Variants in MYSM1 observed in about 807,000 individuals in gnomAD.
MYSM1 encodes Myb like, SWIRM and MPN domains 1.
A neutral mutation model predicts 116.0 loss-of-function variants in MYSM1; 51 were observed. The observed-to-expected ratio is 0.44, with a 90% CI of 0.35 to 0.56. The LOEUF (loss-of-function observed/expected upper bound fraction) is 0.56, where lower values mean the gene tolerates loss of function less well. Ranked by LOEUF, MYSM1 falls within the 20% of genes least tolerant of loss-of-function variation. MYSM1 has a pLI of 0.00. For missense variants in MYSM1, 900 were observed against 974.9 expected (o/e 0.92, Z 1.02); for synonymous variants, 313 against 315.2 (o/e 0.99, Z 0.07).
chr1:58,666,999 T>C (rs375647769), intron 16 of MYSM1, 39 bp downstream of exon 16: 26 of 1,231,392 alleles, frequency 2.1e-5, no homozygotes, highest in Non-Finnish European at 2.9e-5. Flanking sequence ...ATTGAGGGGG[T>C]GTGCAACCAT....
At chr1:58,695,060 A>G (rs1313431242) in intron 2 of MYSM1, 69 bp downstream of exon 2, 34 of 875,262 alleles carry the variant, frequency 3.9e-5, no homozygotes, top group Admixed American at 1.9e-4. Flanking sequence ...TTTAAAAAAA[A>G]AAAAAGAAGA....
chr1:58,673,310 T>C (rs1327086362), intron 11 of MYSM1, among the ~76,000 whole-genome samples: 4 of 152,202 alleles, frequency 2.6e-5, no homozygotes, highest in African/African-American at 9.7e-5. Context: ...GCATACCAAC[T>C]TCTTGACACC....
intron 17 of MYSM1, among the ~76,000 whole-genome samples, chr1:58,664,735 C>T (rs232787): frequency 0.27 from 40,586 of 151,954 alleles, 6,204 homozygotes; most frequent in African/African-American, 0.41. Context: ...AAAATGGGTA[C>T]AATACAGTAT....
At chr1:58,665,761 C>A (rs1644459100) in intron 16 of MYSM1, 130 bp from the exon 17 acceptor site, 1 of 665,946 alleles carries the variant, frequency 1.5e-6, no homozygotes, top group Non-Finnish European at 2.5e-6. Context: ...AAGTTCACAT[C>A]TGGCCCGGCA....
At chr1:58,661,766 G>A (rs1398636619) in intron 17 of MYSM1, among the ~76,000 whole-genome samples, 1 of 152,000 alleles carries the variant, frequency 6.6e-6, no homozygotes, top group Non-Finnish European at 1.5e-5. Context: ...TCTACGCATG[G>A]CACTATGATG....
At position 58,681,901 on chromosome 1, in the gene MYSM1, T is replaced by C. The variant is rs1227341831; in HGVS notation, c.1143A>G (p.Ile381Met). Residue 381 changes from isoleucine to methionine, a missense_variant, in exon 8 of 20, where the codon ATA (isoleucine) becomes ATG (methionine). Physicochemically the swap from Ile to Met is conservative, Grantham distance 10. Transcript: ENST00000472487. ...ELKPPEQEIE[I>M]DRNIIQEEEK... ...CTTCTTCTTGAATGATATTTCTATC[T>C]ATTTCTATTTCCTGTTCTGGTGGCT... The C allele has an allele frequency of 1.2e-6, 2 of 1,614,074 alleles. No homozygotes were observed. Among genetic ancestry groups the C allele is most frequent in the Admixed American group, 3.3e-5 (2 of 60,018 alleles).
In MYSM1 at chr1:58,662,791, A is replaced by C. The variant is rs188260207; in HGVS notation, c.2165-1280T>G. The stretch of plus-strand genomic sequence containing the variant: ...GGGGACAGCAAGCCTGATGATGATG[A>C]CTGATCTTTTTTATTTAATTGCTCA... On this transcript the variant is annotated intron_variant, in intron 17 of 19. Transcript: ENST00000472487. 2.5e-4 allele frequency among the ~76,000 whole-genome samples: 38 copies of C among 152,244 alleles called. No individual in the cohort carries two copies. The East Asian group carries it at 7.1e-3, about 29-fold the overall frequency.
rs185764758 is a variant in MYSM1, at chr1:58,664,628, A to G, written c.2164+871T>C. Among the ~76,000 whole-genome samples, 17 of 152,380 alleles carry G rather than the reference A, an allele frequency of 1.1e-4. No individual in the cohort carries two copies. The East Asian group carries it at 3.1e-3, about 28-fold the overall frequency. ...AATCTACATCAAATATAGGGCATCCAAGAGAGATCATTAAGAATGAAGAGA... is the reference window on the plus strand; with the variant it reads ...AATCTACATCAAATATAGGGCATCCGAGAGAGATCATTAAGAATGAAGAGA... On this transcript the variant is annotated intron_variant, in intron 17 of 19. Coordinates refer to ENST00000472487, the MANE Select transcript of MYSM1 (RefSeq NM_001085487.3).
intron 2 of MYSM1, among the ~76,000 whole-genome samples, chr1:58,694,809 T>C (rs907155714): frequency 6.6e-6 from 1 of 152,086 alleles, no homozygotes; most frequent in African/African-American, 2.4e-5. Context: ...ACTGGGATTA[T>C]AGGCAGGAGC....
At chr1:58,674,753 G>A (rs977478395) in intron 10 of MYSM1, among the ~76,000 whole-genome samples, 2 of 151,762 alleles carry the variant, frequency 1.3e-5, no homozygotes, top group African/African-American at 4.8e-5. Context: ...GTGAAACCCT[G>A]TCTCTACTAA....
chr1:58,659,979 G>A lies in MYSM1; in HGVS notation c.*18C>T, dbSNP rs758065676. ...AGATCTACTGTGTCAAGATTAAAATGTCTTAACTTTAAAATAATCACATTA... is the reference window on the plus strand; with the variant it reads ...AGATCTACTGTGTCAAGATTAAAATATCTTAACTTTAAAATAATCACATTA... On this transcript the variant is annotated 3_prime_UTR_variant, in exon 20 of 20. Transcript: ENST00000472487. The A allele has an allele frequency of 1.4e-6, 2 of 1,432,238 alleles. No homozygotes were observed. The highest frequency in any genetic ancestry group is 2.2e-5 in the Admixed American group (1 of 44,848). The allele number at this position is 1,432,238 out of a possible 1,614,324, so 88.7% of individuals were successfully genotyped here.
rs145814925 is a variant in MYSM1, at chr1:58,670,978, T to C, written c.1661+892A>G. Among the ~76,000 whole-genome samples, 938 of 152,314 alleles carry C rather than the reference T, an allele frequency of 6.2e-3. 3 individuals are homozygous for C. The highest frequency in any genetic ancestry group is 0.019 in the East Asian group (101 of 5,194). On this transcript the variant is annotated intron_variant, in intron 12 of 19. Transcript: ENST00000472487. Reference sequence around the variant, plus strand: ...ATACTGGATGAGGAGTCCTAGCTTATGGAGGACTATTTTTTACATAGTTTA... The same window carrying C: ...ATACTGGATGAGGAGTCCTAGCTTACGGAGGACTATTTTTTACATAGTTTA...
At chr1:58,684,085 G>T (rs916454176) in intron 7 of MYSM1, among the ~76,000 whole-genome samples, 1 of 152,116 alleles carries the variant, frequency 6.6e-6, no homozygotes, top group Non-Finnish European at 1.5e-5. Flanking sequence ...TTGGTTGAAA[G>T]ATGGAGCATA....
chr1:58,665,764 G>T (rs1644459135), intron 16 of MYSM1, 133 bp from the exon 17 acceptor site: 3 of 644,610 alleles, frequency 4.7e-6, no homozygotes, highest in Non-Finnish European at 7.7e-6. Flanking sequence ...TTCACATCTG[G>T]CCCGGCACAG....
At chr1:58,668,797 T>C in intron 13 of MYSM1, 115 bp from the exon 14 acceptor site, 1 of 1,044,244 alleles carries the variant, frequency 9.6e-7, no homozygotes, top group East Asian at 2.6e-5. Flanking sequence ...TTCTCAGCAC[T>C]AACCAAAGCT....
intron 7 of MYSM1, among the ~76,000 whole-genome samples, 156 bp from the exon 8 acceptor site, chr1:58,682,701 T>A (rs1182342830): frequency 8.1e-6 from 1 of 123,808 alleles, no homozygotes; most frequent in Non-Finnish European, 1.8e-5. Context: ...TTTCTTTTCT[T>A]TTTTTTTTTT....
chr1:58,674,906 G>A (rs1644623896), intron 10 of MYSM1, among the ~76,000 whole-genome samples: 2 of 139,918 alleles, frequency 1.4e-5, no homozygotes, highest in South Asian at 2.3e-4. Context: ...TAGCCTGGGT[G>A]ACACAGCGAG....
At chr1:58,693,113 A>C (rs1644925826) in intron 2 of MYSM1, among the ~76,000 whole-genome samples, 182 bp from the exon 3 acceptor site, 1 of 152,246 alleles carries the variant, frequency 6.6e-6, no homozygotes, top group South Asian at 2.1e-4. Flanking sequence ...TTACAGAAGC[A>C]ACCACAGCAC....
In MYSM1 at chr1:58,667,061, T is replaced by C; in HGVS notation, c.2008A>G (p.Ile670Val). ...AFDPNPSLRD[I>V]DTQAKYQSYF... is the part of the protein sequence containing the mutation. Reference sequence around the variant, plus strand: ...ACCTGGTATTTAGCTTGTGTGTCAATATCTCGTAAGGAAGGATTAGGATCA... The same window carrying C: ...ACCTGGTATTTAGCTTGTGTGTCAACATCTCGTAAGGAAGGATTAGGATCA... Residue 670 changes from isoleucine (I) to valine (V), a missense_variant, in exon 16 of 20, where the codon ATT (isoleucine) becomes GTT (valine). By Grantham distance (29) the Ile-to-Val change is conservative (BLOSUM62 3). Transcript: ENST00000472487. 1 of 1,611,196 alleles carries C rather than the reference T, an allele frequency of 6.2e-7. No individual in the cohort carries two copies. Among genetic ancestry groups the C allele is most frequent in the Non-Finnish European group, 8.5e-7 (1 of 1,178,194 alleles).
Sources: allele counts gnomAD v4.1 joint callset (sites outside exome capture counted in the v4.1 genomes callset), GRCh38; gene constraint gnomAD v4.1.1; transcripts MANE v1.5; gene names NCBI Gene and HGNC (gene_info 2026-07-23, HGNC 2026-07-21).